Variants in MED12L observed in about 807,000 individuals in gnomAD.
MED12L encodes mediator complex subunit 12L.
Under a neutral mutation model 281.3 loss-of-function variants are expected in MED12L, and 60 were observed. That is an observed-to-expected ratio of 0.21 (90% CI 0.17 to 0.26). The LOEUF is 0.26. Ranked by LOEUF, MED12L falls within the 10% of genes least tolerant of loss-of-function variation. The pLI is 1.00. For synonymous variants in MED12L, 974 were observed against 987.2 expected, an observed-to-expected ratio of 0.99 and a Z score of 0.25; for missense variants, 2,146 against 2,680.9, an observed-to-expected ratio of 0.80 and a Z score of 4.41.
intron 40 of MED12L, among the ~76,000 whole-genome samples, chr3:151,409,817 T>G (rs1019234627): frequency 6.6e-6 from 1 of 151,984 alleles, no homozygotes; most frequent in African/African-American, 2.4e-5. Context: ...AATTAAAAAA[T>G]TAGCCAGGCG....
rs142844491 is a variant in MED12L, at chr3:151,372,683, A to C, written c.3781A>C (p.Lys1261Gln). 99 of 1,613,974 alleles carry C rather than the reference A, an allele frequency of 6.1e-5. No homozygotes were observed. In the African/African-American group the frequency reaches 1.2e-3, roughly 19 times the overall value. Residue 1261 changes from lysine (K) to glutamine (Q), a missense_variant, in exon 27 of 45, where the codon AAA becomes CAA. Coordinates refer to ENST00000687756, the MANE Select transcript of MED12L (RefSeq NM_001393769.1). ...DDIWTASQNP[K>Q]SCGKSISIET... ...TATCTGGACTGCCTCACAAAATCCA[A>C]AATCCTGTGGGAAAAGCATTTCCAT...
chr3:151,313,542 T>TA (rs35382265), intron 16 of MED12L, among the ~76,000 whole-genome samples: 41,576 of 147,924 alleles, frequency 0.28, 5,824 homozygotes, highest in Non-Finnish European at 0.31. Context: ...TTGTCTGAGT[T>TA]AAAAAAAAAA....
At chr3:151,210,466 G>A (rs1231519) in intron 16 of MED12L, among the ~76,000 whole-genome samples, 125,708 of 152,222 alleles carry the variant, frequency 0.83, 52,097 homozygotes, top group African/African-American at 0.9. Flanking sequence ...GTCAGTGTGT[G>A]ATCTTTTTAT....
At chr3:151,425,724 A>G (rs1474840154) in intron 43 of MED12L, 1 of 456,754 alleles carries the variant, frequency 2.2e-6, no homozygotes, top group Non-Finnish European at 4.4e-6. Flanking sequence ...GCCTCTGAGA[A>G]GTAAAAATCC....
chr3:151,113,998 G>A (rs1049065436), intron 2 of MED12L, among the ~76,000 whole-genome samples: 1 of 152,124 alleles, frequency 6.6e-6, no homozygotes, highest in South Asian at 2.1e-4. Flanking sequence ...TACTCTGACG[G>A]CAAATCAAAG....
At chr3:151,424,191 T>C (rs559191231) in intron 43 of MED12L, among the ~76,000 whole-genome samples, 1 of 152,112 alleles carries the variant, frequency 6.6e-6, no homozygotes, top group Non-Finnish European at 1.5e-5. Context: ...ATTTGGAAAT[T>C]TTTTTTTTCT....
intron 39 of MED12L, among the ~76,000 whole-genome samples, chr3:151,408,201 A>C (rs1716549445): frequency 1.3e-5 from 2 of 152,120 alleles, no homozygotes; most frequent in African/African-American, 4.8e-5. Flanking sequence ...GATGAGAATG[A>C]TGCTCCTTTC....
chr3:151,165,847 G>A lies in MED12L; in HGVS notation c.1359G>A (p.Gly453=), dbSNP rs1293897490. 1.2e-6 allele frequency: 2 copies of A among 1,613,122 alleles called. No individual in the cohort carries two copies. The highest frequency in any genetic ancestry group is 1.1e-5 in the South Asian group (1 of 90,644). The change falls in exon 11 of 45, where the codon GGG becomes GGA. Residue 453 remains glycine, a splice_region_variant and synonymous_variant. Coordinates refer to ENST00000687756, the MANE Select transcript of MED12L (RefSeq NM_001393769.1). ...CACTTGTTTAATTTCTGCCTATAGG[G>A]GTGACTATTAGTCGGGTTTTGCACA... is the stretch of plus-strand genomic sequence containing the variant. ...SFDKCQESTA[G]VTISRVLHTL...
At chr3:151,286,318 A>G (rs1458150391) in intron 16 of MED12L, among the ~76,000 whole-genome samples, 2 of 152,238 alleles carry the variant, frequency 1.3e-5, no homozygotes, top group African/African-American at 4.8e-5. Flanking sequence ...GTATTAGGAA[A>G]GATTTGTGAT....
At chr3:151,357,723 A>C (rs1754102674) in intron 20 of MED12L, among the ~76,000 whole-genome samples, 1 of 152,186 alleles carries the variant, frequency 6.6e-6, no homozygotes, top group Non-Finnish European at 1.5e-5. Flanking sequence ...ATGTAATTTC[A>C]GTTTATGTTT....
intron 16 of MED12L, chr3:151,295,090 T>C (rs958642131): frequency 3.1e-6 from 5 of 1,613,516 alleles, no homozygotes; most frequent in Non-Finnish European, 4.2e-6. Context: ...TTGCCACAAA[T>C]ATAATGAGAT....
intron 16 of MED12L, among the ~76,000 whole-genome samples, chr3:151,323,411 C>A (rs1029118753): frequency 6.6e-6 from 1 of 152,152 alleles, no homozygotes; most frequent in Non-Finnish European, 1.5e-5. Context: ...CTAGATGTCC[C>A]AGTACAGTGC....
At chr3:151,344,852 G>GTTTT (rs1752337579) in intron 16 of MED12L, among the ~76,000 whole-genome samples, 1 of 152,168 alleles carries the variant, frequency 6.6e-6, no homozygotes, top group Non-Finnish European at 1.5e-5. Flanking sequence ...TGTGAGTAAG[G>GTTTT]TGAAAGGATA....
intron 5 of MED12L, among the ~76,000 whole-genome samples, chr3:151,143,867 A>C (rs1413150464): frequency 1.3e-5 from 2 of 152,166 alleles, no homozygotes; most frequent in Non-Finnish European, 2.9e-5. Context: ...ATATGTCCTA[A>C]GTGGTTAATT....
At chr3:151,135,399 T>C (rs921046664) in intron 5 of MED12L, among the ~76,000 whole-genome samples, 3 of 152,222 alleles carry the variant, frequency 2.0e-5, no homozygotes, top group Admixed American at 6.5e-5. Context: ...ATGTAGACCA[T>C]TGATAATATG....
chr3:151,126,706 C>T (rs1231037828), intron 4 of MED12L, among the ~76,000 whole-genome samples: 2 of 152,164 alleles, frequency 1.3e-5, no homozygotes, highest in African/African-American at 4.8e-5. Context: ...GTTCAGGATC[C>T]TCTAAGAAAG....
chr3:151,293,652 C>CGG (rs1744611465), intron 16 of MED12L, among the ~76,000 whole-genome samples: 2 of 116,916 alleles, frequency 1.7e-5, no homozygotes, highest in African/African-American at 6.1e-5. Flanking sequence ...CACACACACA[C>CGG]ACACACACAC....
In MED12L at chr3:151,369,554, G is replaced by C; in HGVS notation, c.3664+5G>C. 6.4e-7 allele frequency: 1 copy of C among 1,574,280 alleles called. No homozygotes were observed. The highest frequency in any genetic ancestry group is 8.7e-7 in the Non-Finnish European group (1 of 1,150,410). ...TAAAAGCAATTATGATGCTTGGTAAGATTATTCTGACCCTAAGCTTCTTGG... is the reference window on the plus strand; with the variant it reads ...TAAAAGCAATTATGATGCTTGGTAACATTATTCTGACCCTAAGCTTCTTGG... On this transcript the variant is annotated splice_donor_5th_base_variant and intron_variant, in intron 26 of 44. Transcript: ENST00000687756.
chr3:151,401,428 C>T (rs917518174), intron 39 of MED12L, among the ~76,000 whole-genome samples: 1 of 152,008 alleles, frequency 6.6e-6, no homozygotes, highest in Non-Finnish European at 1.5e-5. Context: ...AGTATATGAG[C>T]ATTTTTCTTT....
Sources: gnomAD v4.1 joint callset for allele counts (sites outside exome capture counted in the v4.1 genomes callset) on GRCh38, gnomAD v4.1.1 for gene constraint, MANE v1.5 for transcripts, NCBI Gene and HGNC (gene_info 2026-07-23, HGNC 2026-07-21) for gene names.